The following GRIN2A variants were observed in gnomAD, a reference collection of about 807,000 sequenced individuals.
GRIN2A encodes glutamate ionotropic receptor NMDA type subunit 2A.
GRIN2A carries 22 observed loss-of-function variants against 113.4 expected under a neutral mutation model. That is an observed-to-expected ratio of 0.19 (90% CI 0.14 to 0.28). The LOEUF is 0.28. Ranked by LOEUF, GRIN2A falls within the 10% of genes least tolerant of loss-of-function variation. The pLI is 1.00. For synonymous variants in GRIN2A, 827 were observed against 738.4 expected (o/e 1.12, Z -1.94); for missense variants, 1,502 against 1,887.0 (o/e 0.80, Z 3.78).
In GRIN2A at chr16:9,849,767, G is replaced by A. The variant is rs752012396; in HGVS notation, c.1317C>T (p.Phe439=). 3.7e-6 allele frequency: 6 copies of A among 1,613,618 alleles called. No homozygotes were observed. The highest frequency in any genetic ancestry group is 1.3e-5 in the African/African-American group (1 of 74,890). Residue 439 remains phenylalanine, a synonymous_variant, in exon 5 of 13, where the codon TTC becomes TTT. Transcript: ENST00000330684. The stretch of plus-strand genomic sequence containing the variant: ...TTCCTGCCACTCACTTGATTTTGAC[G>A]AACTTCCGACATGGCACGGTGTTCC... The part of the protein sequence containing the change: ...CVRNTVPCRK[F]VKINNSTNEG...
At chr16:10,178,459 C>T (rs901084504) in intron 2 of GRIN2A, among the ~76,000 whole-genome samples, 3 of 152,202 alleles carry the variant, frequency 2.0e-5, no homozygotes, top group Non-Finnish European at 4.4e-5. Context: ...GTCACTTCAT[C>T]TGAAAGTTAC....
intron 2 of GRIN2A, among the ~76,000 whole-genome samples, chr16:10,021,614 T>C (rs1228184734): frequency 1.3e-5 from 2 of 152,170 alleles, no homozygotes; most frequent in African/African-American, 4.8e-5. Flanking sequence ...AAGCAAGCCC[T>C]TTCTCAGGAG....
intron 2 of GRIN2A, among the ~76,000 whole-genome samples, chr16:10,142,228 G>A (rs1450045157): frequency 6.6e-6 from 1 of 151,928 alleles, no homozygotes; most frequent in Non-Finnish European, 1.5e-5. Flanking sequence ...GTTATATAAG[G>A]GTCACACACA....
intron 7 of GRIN2A, among the ~76,000 whole-genome samples, chr16:9,837,324 T>C (rs1263498780): frequency 3.3e-5 from 5 of 152,190 alleles, no homozygotes; most frequent in Non-Finnish European, 7.3e-5. Context: ...CTTTTAAAAA[T>C]GCAGCAGGAA....
At chr16:10,146,125 A>G (rs1035444307) in intron 2 of GRIN2A, among the ~76,000 whole-genome samples, 1 of 150,078 alleles carries the variant, frequency 6.7e-6, no homozygotes, top group African/African-American at 2.4e-5. Flanking sequence ...TTTATTCAAC[A>G]TTTTTTTTTT....
chr16:9,858,402 G>T (rs1342216869), intron 4 of GRIN2A, among the ~76,000 whole-genome samples: 1 of 151,982 alleles, frequency 6.6e-6, no homozygotes, highest in Non-Finnish European at 1.5e-5. Context: ...GAATTTTTTT[G>T]GTACTTAAAA....
rs572246224 is a variant in GRIN2A at position 10,167,754 on chromosome 16, C to A, written c.414+12244G>T. On this transcript the variant is annotated intron_variant, in intron 2 of 12. Coordinates refer to ENST00000330684, the MANE Select transcript of GRIN2A (RefSeq NM_001134407.3). ...AGTTTAAAAAATGGAGACAATATAT[C>A]AATTGCCATCCCATGGAAAGTTCCA... Among the ~76,000 whole-genome samples, 56 of 152,250 alleles carry A rather than the reference C, an allele frequency of 3.7e-4. 2 individuals carry two copies. Among genetic ancestry groups the A allele is most frequent in the African/African-American group, 1.3e-3 (52 of 41,542 alleles).
chr16:10,123,933 G>A lies in GRIN2A; in HGVS notation c.414+56065C>T, dbSNP rs535725588. Among the ~76,000 whole-genome samples the A allele has an allele frequency of 9.2e-4, 140 of 152,242 alleles. 1 individual carries two copies. Among genetic ancestry groups the A allele is most frequent in the African/African-American group, 2.6e-3 (106 of 41,528 alleles). ...AGAAAGCTATATGTATAAATCACTC[G>A]GCACAGTGTATGGCACATGAGCACT... On this transcript the variant is annotated intron_variant, in intron 2 of 12. Transcript: ENST00000330684.
At chr16:10,131,918 C>T (rs758986135) in intron 2 of GRIN2A, among the ~76,000 whole-genome samples, 8 of 152,154 alleles carry the variant, frequency 5.3e-5, no homozygotes, top group East Asian at 3.9e-4. Flanking sequence ...TACTTATGAG[C>T]GCTTATGATG....
chr16:10,023,823 C>T (rs2594541), intron 2 of GRIN2A, among the ~76,000 whole-genome samples: 119,811 of 152,130 alleles, frequency 0.79, 47,896 homozygotes, highest in Non-Finnish European at 0.85. Flanking sequence ...CCCCAATAGC[C>T]CAGGGAGGTG....
intron 2 of GRIN2A, among the ~76,000 whole-genome samples, chr16:10,072,912 G>C (rs139721228): frequency 3.3e-5 from 5 of 150,832 alleles, no homozygotes; most frequent in African/African-American, 1.2e-4. Context: ...CTCAGAGGCA[G>C]AGGCAAGATG....
At chr16:10,072,585 T>A (rs1403724794) in intron 2 of GRIN2A, among the ~76,000 whole-genome samples, 1 of 152,156 alleles carries the variant, frequency 6.6e-6, no homozygotes, top group Non-Finnish European at 1.5e-5. Flanking sequence ...TGAGAACCAC[T>A]GGACTTAGCC....
intron 2 of GRIN2A, among the ~76,000 whole-genome samples, chr16:10,107,459 C>T (rs2048521717): frequency 6.6e-6 from 1 of 152,234 alleles, no homozygotes; most frequent in Admixed American, 6.5e-5. Context: ...GGAGTACTTA[C>T]AGGATCCTGC....
intron 4 of GRIN2A, among the ~76,000 whole-genome samples, chr16:9,878,139 A>C (rs1800170683): frequency 6.6e-6 from 1 of 152,144 alleles, no homozygotes; most frequent in African/African-American, 2.4e-5. Flanking sequence ...ACCACCTGTC[A>C]GCTTAATCAT....
chr16:9,827,669 GGATCCCTGAA>G (rs2042411516), intron 9 of GRIN2A, among the ~76,000 whole-genome samples: 1 of 152,210 alleles, frequency 6.6e-6, no homozygotes, highest in Non-Finnish European at 1.5e-5. Context: ...AATCTGCTGA[GGATCCCTGAA>G]GTGAGGCTTT....
At chr16:9,988,982 A>G (rs1354909165) in intron 2 of GRIN2A, among the ~76,000 whole-genome samples, 1 of 152,218 alleles carries the variant, frequency 6.6e-6, no homozygotes, top group East Asian at 1.9e-4. Context: ...TAAGGAAAGG[A>G]AACAATGTTG....
At chr16:9,841,496 A>G (rs1403134815) in intron 5 of GRIN2A, among the ~76,000 whole-genome samples, 1 of 152,166 alleles carries the variant, frequency 6.6e-6, no homozygotes, top group African/African-American at 2.4e-5. Flanking sequence ...TAGTCATCAG[A>G]TCTAAACTGA....
intron 2 of GRIN2A, among the ~76,000 whole-genome samples, chr16:10,013,539 C>T (rs887098677): frequency 4.5e-4 from 69 of 152,308 alleles, no homozygotes; most frequent in African/African-American, 1.6e-3. Context: ...CAGGACAGCC[C>T]TTCGTATGTT....
At chr16:10,105,883 G>T (rs113448932) in intron 2 of GRIN2A, among the ~76,000 whole-genome samples, 2 of 152,122 alleles carry the variant, frequency 1.3e-5, no homozygotes, top group Non-Finnish European at 2.9e-5. Context: ...CGCCAGCCTC[G>T]GTGACAAGGC....
Sources: allele counts gnomAD v4.1 joint callset (sites outside exome capture counted in the v4.1 genomes callset), GRCh38; gene constraint gnomAD v4.1.1; transcripts MANE v1.5; gene names NCBI Gene and HGNC (gene_info 2026-07-23, HGNC 2026-07-21).